Variants in DPP6 observed in about 807,000 individuals in gnomAD.
DPP6 encodes dipeptidyl peptidase like 6, also known as A-type potassium channel modulatory protein DPP6.
DPP6 carries 69 observed loss-of-function variants against 122.6 expected under a neutral mutation model. The observed-to-expected ratio is 0.56, with a 90% CI of 0.46 to 0.69. The LOEUF (loss-of-function observed/expected upper bound fraction) is 0.69. Among genes scored for constraint, DPP6 ranks in the 30% least tolerant of loss-of-function variants. The pLI is 0.00. For missense variants in DPP6, 928 were observed against 1,116.9 expected (o/e 0.83, Z 2.41); for synonymous variants, 418 against 433.1 (o/e 0.97, Z 0.43).
intron 4 of DPP6, among the ~76,000 whole-genome samples, chr7:154,553,355 A>C (rs74364840): frequency 0.04 from 6,149 of 152,256 alleles, 422 homozygotes; most frequent in African/African-American, 0.14. Flanking sequence ...TGTCAAATTC[A>C]GAAACTGAAA....
At chr7:154,839,699 A>G (rs1411582298) in intron 16 of DPP6, among the ~76,000 whole-genome samples, 1 of 152,204 alleles carries the variant, frequency 6.6e-6, no homozygotes, top group Non-Finnish European at 1.5e-5. Context: ...AACACTATGT[A>G]GAGGTTTAGC....
chr7:154,596,607 C>T (rs951790188), intron 5 of DPP6, among the ~76,000 whole-genome samples: 5 of 152,094 alleles, frequency 3.3e-5, no homozygotes, highest in African/African-American at 1.2e-4. Context: ...AAGCAGGAGG[C>T]CTCAGAGTAC....
intron 1 of DPP6, among the ~76,000 whole-genome samples, chr7:154,243,226 T>A (rs973952578): frequency 3.9e-5 from 6 of 152,224 alleles, no homozygotes; most frequent in South Asian, 4.1e-4. Context: ...TAAAATTTTT[T>A]TAAAAAATTG....
intron 1 of DPP6, among the ~76,000 whole-genome samples, chr7:154,339,094 G>T (rs77481707): frequency 0.025 from 3,777 of 152,300 alleles, 133 homozygotes; most frequent in African/African-American, 0.085. Flanking sequence ...CTTGATGGTT[G>T]GGTTGTGTGG....
At chr7:153,772,698 A>C in the DPP6 span, among the ~76,000 whole-genome samples, 1 of 149,908 alleles carries the variant, frequency 6.7e-6, no homozygotes, top group Non-Finnish European at 1.5e-5. Context: ...TAAAAAAGAA[A>C]AAACTATAAG....
At chr7:154,492,444 C>T (rs1342924391) in intron 3 of DPP6, among the ~76,000 whole-genome samples, 1 of 152,158 alleles carries the variant, frequency 6.6e-6, no homozygotes, top group African/African-American at 2.4e-5. Context: ...GAAAAAAGGA[C>T]GTCTGTGGCC....
chr7:154,654,818 G>T (rs1400817163), intron 6 of DPP6, among the ~76,000 whole-genome samples: 1 of 152,022 alleles, frequency 6.6e-6, no homozygotes, highest in African/African-American at 2.4e-5. Context: ...GGCCCCTGAG[G>T]AAGCATTTAT....
the DPP6 span, among the ~76,000 whole-genome samples, chr7:153,759,963 G>A: frequency 1.8e-3 from 270 of 148,134 alleles, 1 homozygote; most frequent in African/African-American, 6.6e-3. Flanking sequence ...GTCTCTCTCT[G>A]TTTCTGTATC....
At chr7:154,385,696 C>G (rs1814045893) in intron 1 of DPP6, among the ~76,000 whole-genome samples, 1 of 152,114 alleles carries the variant, frequency 6.6e-6, no homozygotes, top group African/African-American at 2.4e-5. Flanking sequence ...CATTTAACTC[C>G]CAGTTGATGG....
At chr7:154,779,019 C>T (rs1401873586) in intron 10 of DPP6, among the ~76,000 whole-genome samples, 6 of 147,166 alleles carry the variant, frequency 4.1e-5, no homozygotes, top group Admixed American at 1.4e-4. Flanking sequence ...CAGCACCCCA[C>T]CATCACCTCC....
intron 1 of DPP6, among the ~76,000 whole-genome samples, chr7:154,263,170 G>A (rs1438966788): frequency 6.6e-6 from 1 of 152,190 alleles, no homozygotes; most frequent in Non-Finnish European, 1.5e-5. Flanking sequence ...CTTTCTAGCA[G>A]TGATTGCCTA....
intron 1 of DPP6, among the ~76,000 whole-genome samples, chr7:154,085,011 A>AC (rs1804302310): frequency 6.6e-6 from 1 of 150,802 alleles, no homozygotes; most frequent in African/African-American, 2.4e-5. Context: ...AAAAAAAAAA[A>AC]CAGGTGCCTT....
the DPP6 span, among the ~76,000 whole-genome samples, chr7:153,749,925 TTACTC>T: frequency 3.6e-4 from 55 of 152,374 alleles, no homozygotes; most frequent in African/African-American, 1.3e-3. The surrounding 1 kb of genome is among the most constrained non-coding windows in gnomAD (Gnocchi z 4.1). Context: ...AATTTATGCT[TTACTC>T]TGTCATCTTA....
chr7:153,857,102 AC>A, the DPP6 span, among the ~76,000 whole-genome samples: 1 of 152,160 alleles, frequency 6.6e-6, no homozygotes, highest in African/African-American at 2.4e-5. Flanking sequence ...CCAAATTAAT[AC>A]CTTTTTTCTA....
intron 14 of DPP6, 130 bp from the exon 15 acceptor site, chr7:154,804,787 C>G: frequency 7.7e-7 from 1 of 1,302,166 alleles, no homozygotes; most frequent in South Asian, 1.3e-5. Context: ...TGGACCTGAA[C>G]AGGGGAGCTA....
intron 1 of DPP6, among the ~76,000 whole-genome samples, chr7:153,949,584 T>A (rs946218878): frequency 1.3e-5 from 2 of 152,208 alleles, no homozygotes; most frequent in African/African-American, 4.8e-5. Flanking sequence ...ACTTGTTTTG[T>A]GTCTCTTCAA....
chr7:153,780,041 G>A, the DPP6 span, among the ~76,000 whole-genome samples: 1 of 151,580 alleles, frequency 6.6e-6, no homozygotes, highest in African/African-American at 2.4e-5. Flanking sequence ...AAACACAGGT[G>A]CTTGGAGGAG....
the DPP6 span, among the ~76,000 whole-genome samples, chr7:153,857,149 A>G: frequency 6.6e-6 from 1 of 152,332 alleles, no homozygotes; most frequent in South Asian, 2.1e-4. Context: ...AATAACTTGT[A>G]TCTTCACAAG....
At chr7:153,778,869 C>T in the DPP6 span, among the ~76,000 whole-genome samples, 1 of 149,268 alleles carries the variant, frequency 6.7e-6, no homozygotes, top group Non-Finnish European at 1.5e-5. Context: ...GTGCACACAC[C>T]AGGCCTGTAT....
Sources: allele counts gnomAD v4.1 joint callset (sites outside exome capture counted in the v4.1 genomes callset), GRCh38; gene constraint gnomAD v4.1.1; non-coding constraint Gnocchi (gnomAD v3.1); transcripts MANE v1.5; gene names NCBI Gene and HGNC (gene_info 2026-07-23, HGNC 2026-07-21).